The following CUL2 variants were observed in gnomAD, a reference collection of about 807,000 sequenced individuals.
CUL2 encodes cullin 2, also known as cullin-2.
In CUL2, 22 loss-of-function variants were observed where a neutral mutation model predicts 110.2. The ratio of observed to expected loss-of-function variants is 0.20; its 90% CI spans 0.14 to 0.28. CUL2 has a LOEUF of 0.28. Ranked by LOEUF, CUL2 falls within the 10% of genes least tolerant of loss-of-function variation. CUL2 has a pLI of 1.00. For missense variants in CUL2, 631 were observed against 905.5 expected (o/e 0.70, Z 3.89); for synonymous variants, 279 against 293.2 (o/e 0.95, Z 0.49).
intron 1 of CUL2, among the ~76,000 whole-genome samples, chr10:35,106,486 A>AT (rs369482307): frequency 5.6e-4 from 82 of 147,244 alleles, no homozygotes; most frequent in East Asian, 2.8e-3. Flanking sequence ...CGCCCGGCTA[A>AT]TTTTTTTTTT....
intron 1 of CUL2, among the ~76,000 whole-genome samples, chr10:35,116,440 T>C (rs1423735068): frequency 6.6e-6 from 1 of 151,894 alleles, no homozygotes; most frequent in Admixed American, 6.5e-5. Context: ...AAACTTACTC[T>C]TTTTTAGTAA....
chr10:35,073,959 T>C, intron 1 of CUL2: 1 of 686,560 alleles, frequency 1.5e-6, no homozygotes, highest in Non-Finnish European at 2.7e-6. Flanking sequence ...TTCAGAAACT[T>C]GCTTAAGGTC....
intron 4 of CUL2, among the ~76,000 whole-genome samples, chr10:35,060,273 T>TA (rs932447553): frequency 2.1e-5 from 3 of 144,288 alleles, no homozygotes; most frequent in South Asian, 2.2e-4. Flanking sequence ...AAATAAAAAA[T>TA]AAAAAAAAGG....
intron 16 of CUL2, among the ~76,000 whole-genome samples, chr10:35,028,541 T>C (rs1005874829): frequency 4.6e-5 from 7 of 152,232 alleles, no homozygotes; most frequent in Non-Finnish European, 5.9e-5. Context: ...TTTTATAATT[T>C]AAAACTGCTT....
intron 2 of CUL2, among the ~76,000 whole-genome samples, chr10:35,098,718 G>A (rs1230466791): frequency 1.3e-5 from 2 of 151,746 alleles, no homozygotes; most frequent in South Asian, 2.1e-4. Flanking sequence ...ATCACCTGAG[G>A]TCAGGAGTTC....
intron 20 of CUL2, 56 bp from the exon 21 acceptor site, chr10:35,010,498 G>A (rs2084872799): frequency 3.3e-6 from 5 of 1,536,046 alleles, no homozygotes; most frequent in Admixed American, 1.9e-5. Context: ...ATTAAGTAAT[G>A]ACTTTTAACC....
Position 35,010,182 on chromosome 10 carries a change from T to C in CUL2, c.*129A>G. ...CGCTCATGACGTGGCACTGGTGATG[T>C]TGTAAACAGCAGAAAACAGGGGCTG... On this transcript the variant is annotated 3_prime_UTR_variant, in exon 21 of 21. Coordinates refer to ENST00000374749, the MANE Select transcript of CUL2 (RefSeq NM_003591.4). The C allele has an allele frequency of 1.1e-6, 1 of 898,846 alleles. No individual in the cohort carries two copies. Among genetic ancestry groups the C allele is most frequent in the Non-Finnish European group, 1.5e-6 (1 of 646,766 alleles). The allele number at this position is 898,846 out of a possible 1,614,324, so 55.7% of individuals were successfully genotyped here.
chr10:35,121,637 T>G (rs2087679243), intron 1 of CUL2, among the ~76,000 whole-genome samples: 1 of 152,110 alleles, frequency 6.6e-6, no homozygotes, highest in Non-Finnish European at 1.5e-5. Flanking sequence ...AATCTTCCTC[T>G]TTTCCTCATG....
At chr10:35,089,879 A>G (rs1356618116) in intron 1 of CUL2, 1 of 152,142 alleles carries the variant, frequency 6.6e-6, no homozygotes, top group Non-Finnish European at 1.5e-5. Context: ...TATGTAGAAG[A>G]ATACACGCAC....
chr10:35,087,181 A>G (rs2087084965), intron 1 of CUL2, among the ~76,000 whole-genome samples: 2 of 152,208 alleles, frequency 1.3e-5, no homozygotes, highest in South Asian at 4.1e-4. Flanking sequence ...GCTTCCCAAC[A>G]GCGGGTACTA....
At chr10:35,072,438 G>A (rs1000210786) in intron 1 of CUL2, among the ~76,000 whole-genome samples, 6 of 151,168 alleles carry the variant, frequency 4.0e-5, no homozygotes, top group Admixed American at 2.6e-4. Context: ...GCGCAATCTC[G>A]GCTCACTGCA....
At chr10:35,112,263 T>C (rs1387523770) in intron 1 of CUL2, among the ~76,000 whole-genome samples, 1 of 152,222 alleles carries the variant, frequency 6.6e-6, no homozygotes, top group Non-Finnish European at 1.5e-5. Flanking sequence ...CAGAACTGGA[T>C]TTATCCTTCT....
Position 35,085,666 on chromosome 10 carries a change from G to A in CUL2, c.-23+4513C>T, listed in dbSNP as rs566885280. ...GGCTGAGGCAGAATGGTGTGAACCC[G>A]GGAACCAGAGACACAGCCAGACTCT... is the stretch of plus-strand genomic sequence containing the variant. On this transcript the variant is annotated intron_variant, in intron 1 of 20. Transcript: ENST00000374749. Among the ~76,000 whole-genome samples the A allele has an allele frequency of 1.5e-3, 218 of 148,350 alleles. 1 individual carries two copies. The highest frequency in any genetic ancestry group is 5.0e-3 in the African/African-American group (200 of 40,038).
Position 35,010,242 on chromosome 10 carries a change from T to C in CUL2, c.*69A>G. On this transcript the variant is annotated 3_prime_UTR_variant, in exon 21 of 21. Transcript: ENST00000374749. ...CAAATTATGGAGGCACAGTCCTGCT[T>C]TTTCCCACAGGAACACACCAAATGG... 6.9e-7 allele frequency: 1 copy of C among 1,452,896 alleles called. No homozygotes were observed. Among genetic ancestry groups the C allele is most frequent in the Admixed American group, 2.3e-5 (1 of 43,278 alleles). The allele number at this position is 1,452,896 out of a possible 1,614,324, so 90.0% of individuals were successfully genotyped here. A position where few individuals can be genotyped will look rare whatever the true frequency, so the allele number is the denominator to read the frequency against.
chr10:35,053,540 G>C (rs7914693), intron 5 of CUL2, among the ~76,000 whole-genome samples: 3,958 of 152,120 alleles, frequency 0.026, 168 homozygotes, highest in African/African-American at 0.091. Flanking sequence ...CAGCCATTAG[G>C]CACCCTATTA....
At chr10:35,050,738 G>A (rs2086081455) in intron 5 of CUL2, among the ~76,000 whole-genome samples, 1 of 152,190 alleles carries the variant, frequency 6.6e-6, no homozygotes, top group Non-Finnish European at 1.5e-5. Flanking sequence ...GCTGATGACT[G>A]CTGATGTGTC....
rs1177707550 is a variant in CUL2, at chr10:35,028,853, G to T, written c.1574C>A (p.Ser525Tyr). The T allele has an allele frequency of 5.0e-6, 8 of 1,612,106 alleles. No individual in the cohort carries two copies. Among genetic ancestry groups the T allele is most frequent in the Non-Finnish European group, 5.9e-6 (7 of 1,178,736 alleles). Reference protein sequence around the residue: ...GAWPLTQAPSSTFAIPQELEK... With the variant: ...GAWPLTQAPSYTFAIPQELEK... ...TAATTCCTGGGGAATTGCAAACGTA[G>T]ATGAAGGAGCCTGAGTAAGAGGCCA... Residue 525 changes from serine to tyrosine, a missense_variant, in exon 16 of 21, where the codon TCT (serine) becomes TAT (tyrosine). Ser to Tyr is a moderately radical substitution (Grantham distance 144). Coordinates refer to ENST00000374749, the MANE Select transcript of CUL2 (RefSeq NM_003591.4).
chr10:35,053,169 GT>G (rs1418273186), intron 5 of CUL2, among the ~76,000 whole-genome samples: 1 of 152,142 alleles, frequency 6.6e-6, no homozygotes, highest in African/African-American at 2.4e-5. Context: ...GAACTAAATT[GT>G]TTACAGTGAT....
At chr10:35,044,049 T>A (rs11591574) in intron 8 of CUL2, among the ~76,000 whole-genome samples, 19,188 of 78,886 alleles carry the variant, frequency 0.24, 1,544 homozygotes, top group Middle Eastern at 0.38. Context: ...AGACCACATC[T>A]CCAAAAAAAA....
Sources: allele counts gnomAD v4.1 joint callset (sites outside exome capture counted in the v4.1 genomes callset), GRCh38; gene constraint gnomAD v4.1.1; transcripts MANE v1.5; gene names NCBI Gene and HGNC (gene_info 2026-07-23, HGNC 2026-07-21).